FHIT: variants seen among roughly 807,000 people sequenced by gnomAD.
The protein encoded by FHIT is fragile histidine triad diadenosine triphosphatase, also known as bis(5'-adenosyl)-triphosphatase.
A neutral mutation model predicts 17.9 loss-of-function variants in FHIT; 19 were observed. The ratio of observed to expected loss-of-function variants is 1.06; its 90% CI spans 0.74 to 1.56. The LOEUF (loss-of-function observed/expected upper bound fraction) is 1.56. Among genes scored for constraint, FHIT ranks in the 40% most tolerant of loss-of-function variants. FHIT has a pLI of 0.00. For synonymous variants in FHIT, 81 were observed against 69.7 expected (o/e 1.16, Z -0.81); for missense variants, 248 against 189.2 (o/e 1.31, Z -1.82).
intron 3 of FHIT, among the ~76,000 whole-genome samples, chr3:60,966,215 C>T (rs971225915): frequency 3.3e-5 from 5 of 152,180 alleles, no homozygotes; most frequent in African/African-American, 1.2e-4. Context: ...AGTGAAGCCC[C>T]GTGGGCATGG....
At chr3:59,935,541 T>C (rs775093685) in intron 7 of FHIT, among the ~76,000 whole-genome samples, 24 of 152,174 alleles carry the variant, frequency 1.6e-4, no homozygotes, top group Non-Finnish European at 2.8e-4. Context: ...CTCTGGGCTA[T>C]TTATTACTTA....
intron 3 of FHIT, among the ~76,000 whole-genome samples, chr3:61,021,730 G>A (rs1410439512): frequency 6.6e-6 from 1 of 152,022 alleles, no homozygotes; most frequent in African/African-American, 2.4e-5. Context: ...CTGAACAATG[G>A]GCTCCTGAAT....
chr3:60,417,869 A>T (rs1559896629), intron 5 of FHIT, among the ~76,000 whole-genome samples: 1 of 152,144 alleles, frequency 6.6e-6, no homozygotes, highest in East Asian at 1.9e-4. Flanking sequence ...ACTTGACTTC[A>T]TTTACATGTT....
chr3:60,637,475 G>T (rs1371669778), intron 4 of FHIT, among the ~76,000 whole-genome samples: 1 of 151,950 alleles, frequency 6.6e-6, no homozygotes, highest in Non-Finnish European at 1.5e-5. Flanking sequence ...CACTACTACT[G>T]CCTATGTCCA....
chr3:59,849,500 T>G (rs185870647), intron 8 of FHIT, among the ~76,000 whole-genome samples: 1 of 152,318 alleles, frequency 6.6e-6, no homozygotes, highest in Admixed American at 6.5e-5. Context: ...TCAATCCGAT[T>G]GGTGGCTTGC....
intron 5 of FHIT, among the ~76,000 whole-genome samples, chr3:60,280,343 A>G (rs1023132303): frequency 6.6e-6 from 1 of 152,178 alleles, no homozygotes; most frequent in Non-Finnish European, 1.5e-5. Context: ...TCTCCCAAAG[A>G]TATCAGGTCT....
chr3:60,522,060 T>A (rs901034078), intron 5 of FHIT, among the ~76,000 whole-genome samples: 1 of 151,476 alleles, frequency 6.6e-6, no homozygotes, highest in Non-Finnish European at 1.5e-5. Context: ...GTCAGAGGAA[T>A]GTCAGATTTT....
intron 4 of FHIT, among the ~76,000 whole-genome samples, chr3:60,658,695 G>C (rs1330110326): frequency 1.3e-5 from 2 of 151,912 alleles, no homozygotes; most frequent in Admixed American, 1.3e-4. Flanking sequence ...ACAAAATGTG[G>C]AGTTACAAAC....
At chr3:60,126,801 G>GCC (rs1358862122) in intron 5 of FHIT, among the ~76,000 whole-genome samples, 6 of 152,072 alleles carry the variant, frequency 3.9e-5, no homozygotes, top group African/African-American at 1.4e-4. Context: ...GCCAGATCTG[G>GCC]GGATTTTCAG....
chr3:60,392,570 A>C (rs1701274749), intron 5 of FHIT, among the ~76,000 whole-genome samples: 1 of 152,202 alleles, frequency 6.6e-6, no homozygotes, highest in Admixed American at 6.5e-5. Flanking sequence ...TGACTGAAAA[A>C]CTAAAGCTGA....
intron 2 of FHIT, among the ~76,000 whole-genome samples, chr3:61,145,625 A>G (rs2037206012): frequency 6.6e-6 from 1 of 152,086 alleles, no homozygotes; most frequent in South Asian, 2.1e-4. Context: ...CAGTATTGCA[A>G]TCTTAAAAAT....
At chr3:60,857,821 G>C (rs1575603180) in intron 3 of FHIT, among the ~76,000 whole-genome samples, 1 of 152,230 alleles carries the variant, frequency 6.6e-6, no homozygotes, top group East Asian at 1.9e-4. Context: ...CTAGTTACTT[G>C]GGAGGCTGAG....
intron 3 of FHIT, among the ~76,000 whole-genome samples, chr3:60,946,469 T>C (rs1406697788): frequency 1.3e-5 from 2 of 152,162 alleles, no homozygotes; most frequent in African/African-American, 4.8e-5. Flanking sequence ...TCCTAGATTG[T>C]GAACCATTGG....
chr3:60,164,221 C>G (rs905890239), intron 5 of FHIT, among the ~76,000 whole-genome samples: 1 of 152,132 alleles, frequency 6.6e-6, no homozygotes, highest in Non-Finnish European at 1.5e-5. Flanking sequence ...TAACCAAACA[C>G]CTAACACATC....
chr3:61,029,012 A>G (rs2032876484), intron 3 of FHIT, among the ~76,000 whole-genome samples: 1 of 152,188 alleles, frequency 6.6e-6, no homozygotes, highest in Admixed American at 6.5e-5. Flanking sequence ...GACTGAGGCT[A>G]GACCAAGGCT....
At chr3:60,131,067 G>GTGTATATATACACATATATACACA (rs1699573663) in intron 5 of FHIT, among the ~76,000 whole-genome samples, 1 of 41,534 alleles carries the variant, frequency 2.4e-5, no homozygotes, top group African/African-American at 1.5e-4. Flanking sequence ...ACATACACAT[G>GTGTATATATACACATATATACACA]TATGTATGTA....
intron 3 of FHIT, among the ~76,000 whole-genome samples, chr3:60,970,749 T>C (rs1468104709): frequency 1.3e-5 from 2 of 152,160 alleles, no homozygotes; most frequent in African/African-American, 4.8e-5. Flanking sequence ...TCATTCTACC[T>C]GTTATTGTTT....
chr3:59,821,242 C>T (rs1700776107), intron 8 of FHIT, among the ~76,000 whole-genome samples: 1 of 152,082 alleles, frequency 6.6e-6, no homozygotes, highest in African/African-American at 2.4e-5. Flanking sequence ...AAGGAATAAA[C>T]CTGAGAAGGA....
intron 3 of FHIT, among the ~76,000 whole-genome samples, chr3:60,850,157 C>G (rs1417161811): frequency 1.3e-5 from 2 of 152,060 alleles, no homozygotes; most frequent in Non-Finnish European, 2.9e-5. Flanking sequence ...AAGACCTCTG[C>G]CAGCTCTAAT....
Sources: gnomAD v4.1 joint callset for allele counts (sites outside exome capture counted in the v4.1 genomes callset) on GRCh38, gnomAD v4.1.1 for gene constraint, MANE v1.5 for transcripts, NCBI Gene and HGNC (gene_info 2026-07-23, HGNC 2026-07-21) for gene names.